Variants in ECPAS observed in about 807,000 individuals in gnomAD.
ECPAS encodes the protein proteasome adapter and scaffold protein ECM29.
In ECPAS, 70 loss-of-function variants were observed where a neutral mutation model predicts 255.1. The observed-to-expected ratio is 0.27, with a 90% CI of 0.23 to 0.33. The LOEUF (loss-of-function observed/expected upper bound fraction) is 0.33. ECPAS is among the 10% of genes least tolerant of loss of function. The pLI is 1.00. For synonymous variants in ECPAS, 784 were observed against 775.0 expected (o/e 1.01, Z -0.19); for missense variants, 1,817 against 2,206.4 (o/e 0.82, Z 3.54).
At chr9:111,370,312 T>C in intron 45 of ECPAS, 123 bp downstream of exon 45, 1 of 638,120 alleles carries the variant, frequency 1.6e-6, no homozygotes, top group East Asian at 2.8e-5. Context: ...TAAGGCCGTA[T>C]TTTGGAATTT....
rs146812199 is a variant in ECPAS at position 111,363,991 on chromosome 9, G to C, written c.5309-332C>G. On this transcript the variant is annotated intron_variant, in intron 48 of 49. Coordinates refer to ENST00000684092, the MANE Select transcript of ECPAS (RefSeq NM_001364929.1). ...AAAATCATCTTCGTATCACGGATAAGAACGATCCTTAGGTCTACATGACCC... is the reference window on the plus strand; with the variant it reads ...AAAATCATCTTCGTATCACGGATAACAACGATCCTTAGGTCTACATGACCC... Among the ~76,000 whole-genome samples, 428 of 152,276 alleles carry C rather than the reference G, an allele frequency of 2.8e-3. 5 individuals carry two copies. The highest frequency in any genetic ancestry group is 9.9e-3 in the African/African-American group (411 of 41,574).
intron 20 of ECPAS, among the ~76,000 whole-genome samples, chr9:111,413,300 C>T (rs2131735368): frequency 6.6e-6 from 1 of 152,236 alleles, no homozygotes; most frequent in East Asian, 1.9e-4. Context: ...TACATTCATA[C>T]AATAAAAACT....
Position 111,440,379 on chromosome 9 carries a change from G to A in ECPAS, c.532C>T (p.Pro178Ser). The change falls in exon 6 of 50, where the codon CCT becomes TCT. Residue 178 changes from proline (P) to serine (S), a missense_variant. By Grantham distance (74) the Pro-to-Ser change is moderately conservative. Transcript: ENST00000684092. ...TTTTATTTTTTAACTCACCCATAAG[G>A]CATCAGAAGGACATCTAGCATGAAG... is the stretch of plus-strand genomic sequence containing the variant. ...LDFMLDVLLM[P>S]YGYVLNESQS... 1 of 1,609,688 alleles carries A rather than the reference G, an allele frequency of 6.2e-7. No homozygotes were observed. Among genetic ancestry groups the A allele is most frequent in the Non-Finnish European group, 8.5e-7 (1 of 1,177,244 alleles).
intron 34 of ECPAS, among the ~76,000 whole-genome samples, chr9:111,384,187 C>T (rs955978979): frequency 1.3e-5 from 2 of 152,098 alleles, no homozygotes; most frequent in South Asian, 2.1e-4. Context: ...AGCTTTCCAA[C>T]CTCACAAATA....
At chr9:111,439,153 T>TG (rs1258576622) in intron 6 of ECPAS, among the ~76,000 whole-genome samples, 1 of 151,410 alleles carries the variant, frequency 6.6e-6, no homozygotes, top group Non-Finnish European at 1.5e-5. Flanking sequence ...TATAGGCGGG[T>TG]GTTTTGTGTT....
At chr9:111,379,422 T>C (rs2098137805) in intron 35 of ECPAS, among the ~76,000 whole-genome samples, 1 of 152,258 alleles carries the variant, frequency 6.6e-6, no homozygotes, top group African/African-American at 2.4e-5. Context: ...ATGCTACTGA[T>C]CATCTCAGCT....
In ECPAS at chr9:111,394,152, T is replaced by C. The variant is rs377667583; in HGVS notation, c.2922+8A>G. ...CCAACAGGGCTGACCACATACAGCA[T>C]GGCTCACCTTCACTTCTTTGTGGGT... On this transcript the variant is annotated splice_region_variant and intron_variant, in intron 26 of 49. Transcript: ENST00000684092. 2.5e-5 allele frequency: 40 copies of C among 1,598,140 alleles called. No individual in the cohort carries two copies. The highest frequency in any genetic ancestry group is 3.2e-5 in the Non-Finnish European group (38 of 1,173,984).
chr9:111,456,406 T>C lies in ECPAS; in HGVS notation c.23-4851A>G, dbSNP rs115015434. Among the ~76,000 whole-genome samples the C allele has an allele frequency of 2.3e-3, 352 of 152,304 alleles. 4 individuals are homozygous for C. The highest frequency in any genetic ancestry group is 8.3e-3 in the African/African-American group (345 of 41,554). ...AATAAGAATGGAGTCTTCTGACCTT[T>C]AGTCTAAAAATCCTTGCCTATACCA... On this transcript the variant is annotated intron_variant, in intron 2 of 49. Transcript: ENST00000684092.
intron 15 of ECPAS, among the ~76,000 whole-genome samples, chr9:111,421,409 ATGTGTGTGTGTGTGTGTGTG>A (rs71372622): frequency 7.0e-5 from 10 of 143,326 alleles, no homozygotes; most frequent in Admixed American, 5.0e-4. Context: ...TATTACATAT[ATGTGTGTGTGTGTGTGTGTG>A]TGTGTGTGTG....
At chr9:111,463,293 T>C (rs1404979464) in intron 2 of ECPAS, among the ~76,000 whole-genome samples, 1 of 152,190 alleles carries the variant, frequency 6.6e-6, no homozygotes, top group African/African-American at 2.4e-5. Context: ...GTGAATCACA[T>C]GTCTCTCACT....
intron 5 of ECPAS, 95 bp downstream of exon 5, chr9:111,442,211 C>A: frequency 1.3e-6 from 1 of 753,488 alleles, no homozygotes. Context: ...CAAGACCTCC[C>A]ATTTGCTCAA....
intron 7 of ECPAS, among the ~76,000 whole-genome samples, chr9:111,436,189 C>T (rs1427707619): frequency 1.3e-5 from 2 of 152,044 alleles, no homozygotes; most frequent in Middle Eastern, 3.2e-3. Flanking sequence ...TGGTCACTTA[C>T]ATTTCCCAAA....
chr9:111,389,862 A>G, intron 30 of ECPAS, 122 bp downstream of exon 30: 1 of 1,145,688 alleles, frequency 8.7e-7, no homozygotes, highest in Non-Finnish European at 1.2e-6. Flanking sequence ...TGTGGGGTTC[A>G]GCTTTCTCAT....
At chr9:111,375,642 A>G (rs541911118) in intron 37 of ECPAS, among the ~76,000 whole-genome samples, 2 of 152,244 alleles carry the variant, frequency 1.3e-5, no homozygotes, top group East Asian at 1.9e-4. Flanking sequence ...TGAAAATGCA[A>G]TTAACATGTT....
At chr9:111,473,039 G>A (rs1379127182) in intron 1 of ECPAS, 39 bp from the exon 2 acceptor site, 2 of 528,614 alleles carry the variant, frequency 3.8e-6, no homozygotes, top group South Asian at 1.2e-4. Flanking sequence ...ATTAACAGAT[G>A]TATATGCATA....
intron 17 of ECPAS, among the ~76,000 whole-genome samples, chr9:111,417,375 G>A (rs2098205430): frequency 6.6e-6 from 1 of 152,210 alleles, no homozygotes; most frequent in Non-Finnish European, 1.5e-5. Context: ...AGGCAAAACA[G>A]ATCAATTACA....
At chr9:111,413,596 G>C (rs2098198316) in intron 20 of ECPAS, among the ~76,000 whole-genome samples, 1 of 150,616 alleles carries the variant, frequency 6.6e-6, no homozygotes, top group African/African-American at 2.4e-5. Flanking sequence ...ATTTTACATA[G>C]TTTTTATTTA....
intron 2 of ECPAS, 70 bp downstream of exon 2, chr9:111,472,827 G>T: frequency 2.7e-6 from 1 of 374,164 alleles, no homozygotes; most frequent in Non-Finnish European, 4.6e-6. Context: ...ATTGCTACCT[G>T]ATAACCTATG....
intron 22 of ECPAS, 134 bp downstream of exon 22, chr9:111,410,846 A>G: frequency 1.1e-6 from 1 of 949,296 alleles, no homozygotes; most frequent in Non-Finnish European, 1.6e-6. Context: ...TACATTATTT[A>G]TCAAGTAAGT....
Sources: allele counts gnomAD v4.1 joint callset (sites outside exome capture counted in the v4.1 genomes callset), GRCh38; gene constraint gnomAD v4.1.1; transcripts MANE v1.5; gene names NCBI Gene and HGNC (gene_info 2026-07-23, HGNC 2026-07-21).